The following LMBR1 variants were observed in gnomAD, a reference collection of about 807,000 sequenced individuals.
LMBR1 encodes the protein limb development membrane protein 1, also known as limb region 1 protein homolog.
In LMBR1, 52 loss-of-function variants were observed where a neutral mutation model predicts 73.9. The observed-to-expected ratio is 0.70, with a 90% CI of 0.56 to 0.89. LMBR1 has a LOEUF of 0.89. Ranked by LOEUF, LMBR1 falls within the 40% of genes least tolerant of loss-of-function variation. The pLI is 0.00. For missense variants in LMBR1, 539 were observed against 579.8 expected (o/e 0.93, Z 0.72); for synonymous variants, 215 against 209.4 (o/e 1.03, Z -0.23).
intron 4 of LMBR1, among the ~76,000 whole-genome samples, chr7:156,817,434 T>C (rs1302496585): frequency 1.3e-5 from 2 of 152,230 alleles, no homozygotes; most frequent in Admixed American, 1.3e-4. Flanking sequence ...CAGTCTGTTT[T>C]CAAGTAGTGT....
At chr7:156,799,622 A>G (rs549974834) in intron 4 of LMBR1, among the ~76,000 whole-genome samples, 2 of 152,320 alleles carry the variant, frequency 1.3e-5, no homozygotes, top group East Asian at 3.9e-4. Context: ...AAAGTAGGCC[A>G]TGTAATAATC....
At chr7:156,878,199 C>A (rs1563607053) in intron 1 of LMBR1, among the ~76,000 whole-genome samples, 1 of 152,126 alleles carries the variant, frequency 6.6e-6, no homozygotes, top group African/African-American at 2.4e-5. Context: ...GAAGTCCTAG[C>A]CACAGCAATC....
chr7:156,826,397 C>T (rs565695430), intron 4 of LMBR1, among the ~76,000 whole-genome samples: 1 of 152,268 alleles, frequency 6.6e-6, no homozygotes, highest in Admixed American at 6.5e-5. Flanking sequence ...ATAAACACTG[C>T]TTCTTAACTA....
intron 4 of LMBR1, among the ~76,000 whole-genome samples, chr7:156,803,509 C>T (rs1831398548): frequency 6.6e-6 from 1 of 152,104 alleles, no homozygotes; most frequent in Admixed American, 6.5e-5. Context: ...ACAACAGGTG[C>T]TGGAGAGGAT....
chr7:156,874,452 A>G (rs947963812), intron 1 of LMBR1, among the ~76,000 whole-genome samples: 1 of 152,230 alleles, frequency 6.6e-6, no homozygotes, highest in Non-Finnish European at 1.5e-5. Context: ...GGGCTCCCAC[A>G]GTGCAGCGGG....
At chr7:156,748,251 A>C (rs1219303594) in intron 9 of LMBR1, among the ~76,000 whole-genome samples, 1 of 152,240 alleles carries the variant, frequency 6.6e-6, no homozygotes, top group African/African-American at 2.4e-5. Context: ...TGCAAGATAG[A>C]AATTGTTAAA....
chr7:156,777,347 G>A (rs1035902225), intron 5 of LMBR1, among the ~76,000 whole-genome samples: 1 of 151,962 alleles, frequency 6.6e-6, no homozygotes, highest in African/African-American at 2.4e-5. Flanking sequence ...CAGCTGAGTG[G>A]GGTCTGTGAG....
intron 15 of LMBR1, among the ~76,000 whole-genome samples, chr7:156,707,121 T>A (rs1037120364): frequency 6.6e-6 from 1 of 151,688 alleles, no homozygotes; most frequent in Admixed American, 6.6e-5. Context: ...ATTCACAAAA[T>A]AGAAAACCTA....
At chr7:156,757,109 C>G (rs1822039170) in intron 8 of LMBR1, among the ~76,000 whole-genome samples, 2 of 152,206 alleles carry the variant, frequency 1.3e-5, no homozygotes, top group African/African-American at 4.8e-5. Context: ...AGCCACCACA[C>G]CCGCCCAGCC....
chr7:156,831,475 CAA>C (rs779594038), intron 3 of LMBR1, among the ~76,000 whole-genome samples: 13 of 152,094 alleles, frequency 8.5e-5, no homozygotes, highest in Non-Finnish European at 1.8e-4. Flanking sequence ...CAGCAAAAGA[CAA>C]AGAGATCAAT....
Position 156,669,893 on chromosome 7 carries a change from G to A in LMBR1, n.867-606C>T, listed in dbSNP as rs190998672. ...ACTCTGTTCCAGGTGACAGGAGGGC[G>A]GGCGGTCATGGCCTAGTGCCATGAA... On this transcript the variant is annotated intron_variant and non_coding_transcript_variant, in intron 4 of 4. Transcript: ENST00000430825. The surrounding 1 kb of genome is among the most constrained non-coding windows in gnomAD (Gnocchi z 4.2). 1.3e-4 allele frequency among the ~76,000 whole-genome samples: 20 copies of A among 152,266 alleles called. No homozygotes were observed. The highest frequency in any genetic ancestry group is 9.2e-4 in the Admixed American group (14 of 15,298).
chr7:156,808,296 G>C (rs893517638), intron 4 of LMBR1, among the ~76,000 whole-genome samples: 1 of 152,144 alleles, frequency 6.6e-6, no homozygotes, highest in Admixed American at 6.5e-5. Context: ...TATATGCTAA[G>C]TATCATTAGG....
Position 156,886,701 on chromosome 7 carries a change from C to A in LMBR1, c.66+6227G>T, listed in dbSNP as rs544469530. 2.6e-5 allele frequency among the ~76,000 whole-genome samples: 4 copies of A among 152,244 alleles called. No individual in the cohort carries two copies. The Middle Eastern group carries it at 0.01, about 388-fold the overall frequency. ...TATCTGGAGGCCAGTGCTTGTTTAG[C>A]CGCTAGAAAAAAAGAAACACCTTGA... On this transcript the variant is annotated intron_variant, in intron 1 of 16. Coordinates refer to ENST00000353442, the MANE Select transcript of LMBR1 (RefSeq NM_022458.4).
intron 5 of LMBR1, among the ~76,000 whole-genome samples, chr7:156,777,579 T>C (rs1323755116): frequency 6.6e-6 from 1 of 152,222 alleles, no homozygotes; most frequent in Admixed American, 6.5e-5. Flanking sequence ...ACTCAGTTGA[T>C]TCTGATGAAG....
chr7:156,799,869 T>C (rs1027833067), intron 4 of LMBR1, among the ~76,000 whole-genome samples: 1 of 152,148 alleles, frequency 6.6e-6, no homozygotes, highest in Non-Finnish European at 1.5e-5. Context: ...ACTGCTGATA[T>C]GGAGAAAGGT....
chr7:156,739,162 A>G (rs764246144), intron 9 of LMBR1, among the ~76,000 whole-genome samples: 3 of 152,088 alleles, frequency 2.0e-5, no homozygotes, highest in Non-Finnish European at 2.9e-5. Context: ...GCCTCTGGAC[A>G]TTAAGTGACC....
chr7:156,676,210 CCA>C, downstream of LMBR1: 1 of 1,477,508 alleles, frequency 6.8e-7, no homozygotes, highest in Non-Finnish European at 9.0e-7. Flanking sequence ...CTAACCCTTT[CCA>C]CAGTTCCCAG....
chr7:156,701,064 G>C (rs1343395291), intron 15 of LMBR1, among the ~76,000 whole-genome samples: 1 of 152,030 alleles, frequency 6.6e-6, no homozygotes, highest in African/African-American at 2.4e-5. Flanking sequence ...CAAGGGAAAG[G>C]CCTGCCCCCA....
At chr7:156,814,253 A>C (rs1457549774) in intron 4 of LMBR1, among the ~76,000 whole-genome samples, 4 of 152,216 alleles carry the variant, frequency 2.6e-5, no homozygotes, top group African/African-American at 9.7e-5. Context: ...TGGGTGAAAA[A>C]GGAACAATGT....
Sources: allele counts gnomAD v4.1 joint callset (sites outside exome capture counted in the v4.1 genomes callset), GRCh38; gene constraint gnomAD v4.1.1; non-coding constraint Gnocchi (gnomAD v3.1); transcripts MANE v1.5; gene names NCBI Gene and HGNC (gene_info 2026-07-23, HGNC 2026-07-21).